Variants in SUMF1 observed in about 807,000 individuals in gnomAD.
The protein encoded by SUMF1 is sulfatase modifying factor 1.
SUMF1 carries 48 observed loss-of-function variants against 47.6 expected under a neutral mutation model. The observed-to-expected ratio is 1.01, with a 90% CI of 0.80 to 1.28. SUMF1 has a LOEUF of 1.28. Among genes scored for constraint, SUMF1 ranks in the 50% most tolerant of loss-of-function variants. The pLI, the probability that SUMF1 is intolerant of heterozygous loss-of-function variation, is 0.00. For synonymous variants in SUMF1, 230 were observed against 192.1 expected (o/e 1.20, Z -1.63); for missense variants, 571 against 485.4 (o/e 1.18, Z -1.66).
At chr3:4,250,868 A>G (rs549038497) in intron 8 of SUMF1, among the ~76,000 whole-genome samples, 7 of 152,330 alleles carry the variant, frequency 4.6e-5, no homozygotes, top group Admixed American at 2.6e-4. Context: ...CTGCTCATTG[A>G]TAATGTACCT....
intron 7 of SUMF1, among the ~76,000 whole-genome samples, chr3:4,403,918 C>T (rs1701294033): frequency 6.6e-6 from 1 of 152,194 alleles, no homozygotes; most frequent in Non-Finnish European, 1.5e-5. Context: ...TGGTGTTCTG[C>T]TCTCTTTGCT....
chr3:4,347,728 G>C (rs1699401889), intron 8 of SUMF1, among the ~76,000 whole-genome samples: 1 of 152,202 alleles, frequency 6.6e-6, no homozygotes, highest in African/African-American at 2.4e-5. Flanking sequence ...AATAGGAAGA[G>C]AGGAAGTCAG....
intron 8 of SUMF1, among the ~76,000 whole-genome samples, chr3:4,154,707 G>A (rs1321459609): frequency 6.6e-6 from 1 of 151,494 alleles, no homozygotes; most frequent in Non-Finnish European, 1.5e-5. Flanking sequence ...TGCCTACTGT[G>A]TGCCCTCTGC....
At chr3:4,275,076 G>C (rs1338219618) in intron 8 of SUMF1, among the ~76,000 whole-genome samples, 1 of 152,010 alleles carries the variant, frequency 6.6e-6, no homozygotes, top group Non-Finnish European at 1.5e-5. Flanking sequence ...CCCTAGGGTT[G>C]GTCTGGGTTT....
chr3:4,313,536 A>G (rs369369082), intron 8 of SUMF1: 2 of 1,613,970 alleles, frequency 1.2e-6, no homozygotes, highest in African/African-American at 2.7e-5. Context: ...ATTCAGGAAG[A>G]TATCTTAATC....
intron 8 of SUMF1, among the ~76,000 whole-genome samples, chr3:4,090,160 G>A (rs1424065180): frequency 6.6e-6 from 1 of 152,066 alleles, no homozygotes; most frequent in Non-Finnish European, 1.5e-5. Context: ...TGTAATTTGA[G>A]CGCATGCACA....
chr3:4,127,866 C>T (rs1374871355), intron 8 of SUMF1, among the ~76,000 whole-genome samples: 2 of 152,024 alleles, frequency 1.3e-5, no homozygotes, highest in East Asian at 3.9e-4. Flanking sequence ...GACTTTACTT[C>T]TAACAGTATG....
intron 8 of SUMF1, among the ~76,000 whole-genome samples, chr3:4,238,305 C>T (rs560733165): frequency 1.7e-4 from 26 of 152,200 alleles, no homozygotes; most frequent in Admixed American, 1.4e-3. Flanking sequence ...AACGGGATTG[C>T]TGGGTCAAAT....
chr3:4,315,526 G>C (rs1357067679), intron 8 of SUMF1, among the ~76,000 whole-genome samples: 2 of 152,238 alleles, frequency 1.3e-5, no homozygotes, highest in South Asian at 2.1e-4. Context: ...TCAGGCACTA[G>C]TTTATTATAT....
chr3:4,368,887 T>A (rs1700077120), intron 8 of SUMF1, among the ~76,000 whole-genome samples: 1 of 152,158 alleles, frequency 6.6e-6, no homozygotes, highest in Non-Finnish European at 1.5e-5. Flanking sequence ...AAACTAGTCA[T>A]CCTGTGTGCC....
At position 4,145,943 on chromosome 3, in the gene SUMF1, C is replaced by A. The variant is rs150269249; in HGVS notation, c.1015-77198G>T. Among the ~76,000 whole-genome samples, 41 of 152,078 alleles carry A rather than the reference C, an allele frequency of 2.7e-4. No homozygotes were observed. The East Asian group carries it at 6.8e-3, about 25-fold the overall frequency. On this transcript the variant is annotated intron_variant and NMD_transcript_variant, in intron 8 of 12. Transcript: ENST00000448413. ...AATTCCCTGAGTTCAATTTTTAGGG[C>A]GGTATATTATGATTGATTTCACCAT... is the stretch of plus-strand genomic sequence containing the variant.
At chr3:4,291,051 T>C (rs1697731637) in intron 8 of SUMF1, among the ~76,000 whole-genome samples, 1 of 152,164 alleles carries the variant, frequency 6.6e-6, no homozygotes, top group Non-Finnish European at 1.5e-5. Context: ...ACAGGACTCT[T>C]TTAAGGATAA....
chr3:4,094,052 T>TA (rs2125055519), intron 8 of SUMF1, among the ~76,000 whole-genome samples: 1 of 152,158 alleles, frequency 6.6e-6, no homozygotes, highest in South Asian at 2.1e-4. Context: ...AAGACATACC[T>TA]AAACTGAACT....
At chr3:4,045,843 GTA>G (rs1190770015) in intron 9 of SUMF1, among the ~76,000 whole-genome samples, 1 of 152,116 alleles carries the variant, frequency 6.6e-6, no homozygotes, top group Non-Finnish European at 1.5e-5. Flanking sequence ...CAAGTCTAAA[GTA>G]TATGAGGTCT....
intron 8 of SUMF1, among the ~76,000 whole-genome samples, chr3:4,177,723 A>AC (rs1275031813): frequency 1.3e-5 from 2 of 152,138 alleles, no homozygotes; most frequent in Non-Finnish European, 2.9e-5. Flanking sequence ...GACACAAAAA[A>AC]CCATTCAAAA....
intron 8 of SUMF1, among the ~76,000 whole-genome samples, chr3:4,346,023 T>C (rs1046977681): frequency 2.6e-5 from 4 of 151,450 alleles, no homozygotes; most frequent in African/African-American, 9.7e-5. Context: ...CCCAGATTCA[T>C]AAAACAAATT....
Position 4,069,487 on chromosome 3 carries a change from G to A in SUMF1, c.1015-742C>T, listed in dbSNP as rs193190095. Among the ~76,000 whole-genome samples the A allele has an allele frequency of 8.3e-4, 126 of 152,304 alleles. 2 individuals carry two copies. Among genetic ancestry groups the A allele is most frequent in the African/African-American group, 2.9e-3 (120 of 41,570 alleles). ...GGACAATGGAGAATGTTCATGAGCAGAGGAGATACAGGTAACATGCAATCT... is the reference window on the plus strand; with the variant it reads ...GGACAATGGAGAATGTTCATGAGCAAAGGAGATACAGGTAACATGCAATCT... On this transcript the variant is annotated intron_variant and NMD_transcript_variant, in intron 8 of 12. Coordinates refer to the SUMF1 transcript ENST00000448413.
chr3:4,070,480 C>T (rs1454809844), intron 8 of SUMF1, among the ~76,000 whole-genome samples: 1 of 152,150 alleles, frequency 6.6e-6, no homozygotes, highest in Admixed American at 6.5e-5. Flanking sequence ...CTAAGAGACA[C>T]ACCATTCTAA....
chr3:4,110,121 G>C (rs563024933), intron 8 of SUMF1, among the ~76,000 whole-genome samples: 1 of 152,256 alleles, frequency 6.6e-6, no homozygotes, highest in South Asian at 2.1e-4. Context: ...TGTCCTTTCT[G>C]TTTGTTAGTT....
Sources: gnomAD v4.1 joint callset for allele counts (sites outside exome capture counted in the v4.1 genomes callset) on GRCh38, gnomAD v4.1.1 for gene constraint, MANE v1.5 for transcripts, NCBI Gene and HGNC (gene_info 2026-07-23, HGNC 2026-07-21) for gene names.